The following ITGAM variants were observed in gnomAD, a reference collection of about 807,000 sequenced individuals.
ITGAM encodes the protein integrin alpha-M.
A neutral mutation model predicts 137.5 loss-of-function variants in ITGAM; 79 were observed. That is an observed-to-expected ratio of 0.57 (90% CI 0.48 to 0.69). The LOEUF is 0.69. ITGAM is among the 30% of genes least tolerant of loss of function. The probability of loss-of-function intolerance (pLI) is 0.00; values close to 1 mark genes in which losing one functional copy is unlikely to be tolerated. For missense variants in ITGAM, 1,343 were observed against 1,483.5 expected (o/e 0.91, Z 1.56); for synonymous variants, 583 against 592.3 (o/e 0.98, Z 0.23).
At chr16:31,326,504 C>T (rs989655465) in intron 21 of ITGAM, among the ~76,000 whole-genome samples, 1 of 152,126 alleles carries the variant, frequency 6.6e-6, no homozygotes, top group African/African-American at 2.4e-5. Flanking sequence ...GCAACCTCTG[C>T]CTCCCAGGTT....
Position 31,325,251 on chromosome 16 carries a change from T to C in ITGAM, c.2364-12T>C. Reference sequence around the variant, plus strand: ...GCGCCCCATCCCCCGGCCTGTCTTCTTCTTCCCACAGCCTGGACTGCCTCG... The same window carrying C: ...GCGCCCCATCCCCCGGCCTGTCTTCCTCTTCCCACAGCCTGGACTGCCTCG... On this transcript the variant is annotated splice_polypyrimidine_tract_variant and intron_variant, in intron 19 of 29. Transcript: ENST00000544665. 6.2e-7 allele frequency: 1 copy of C among 1,606,682 alleles called. No homozygotes were observed. Among genetic ancestry groups the C allele is most frequent in the Non-Finnish European group, 8.5e-7 (1 of 1,176,326 alleles).
rs370133643 is a variant in ITGAM, at chr16:31,266,044, C to A, written c.324C>A (p.Thr108=). ...CTGTCCCCTAGGCCTGTGGTCCCAC[C>A]GTGCACCAGACTTGCAGTGAGAACA... ...SPPQLLACGP[T]VHQTCSENTY... The change falls in exon 5 of 30, where the codon ACC becomes ACA. Residue 108 remains threonine, a synonymous_variant. Coordinates refer to ENST00000544665, the MANE Select transcript of ITGAM (RefSeq NM_000632.4). 1.9e-6 allele frequency: 3 copies of A among 1,613,714 alleles called. No homozygotes were observed. The highest frequency in any genetic ancestry group is 1.1e-5 in the South Asian group (1 of 91,078).
intron 21 of ITGAM, among the ~76,000 whole-genome samples, chr16:31,326,039 C>T (rs945074706): frequency 2.6e-5 from 4 of 152,022 alleles, no homozygotes; most frequent in African/African-American, 9.7e-5. Context: ...GCACTCTAGC[C>T]TAGGCGACAG....
chr16:31,269,176 G>A (rs748051688), intron 5 of ITGAM, among the ~76,000 whole-genome samples: 3 of 152,084 alleles, frequency 2.0e-5, no homozygotes, highest in Non-Finnish European at 2.9e-5. Context: ...TCCTGGGTGG[G>A]GGCAGCAAGA....
intron 1 of ITGAM, among the ~76,000 whole-genome samples, chr16:31,260,572 C>T (rs2079687709): frequency 6.6e-6 from 1 of 152,124 alleles, no homozygotes. Flanking sequence ...AAATTCTCCT[C>T]AAAAGGGAAG....
intron 3 of ITGAM, 81 bp from the exon 4 acceptor site, chr16:31,265,730 T>A: frequency 8.3e-7 from 1 of 1,207,318 alleles, no homozygotes; most frequent in South Asian, 1.3e-5. Context: ...GTCTCCCGCA[T>A]GGAGGTGACC....
At chr16:31,329,667 C>A in intron 24 of ITGAM, 131 bp from the exon 25 acceptor site, 1 of 699,184 alleles carries the variant, frequency 1.4e-6, no homozygotes, top group African/African-American at 1.8e-5. Flanking sequence ...ATTACATGTA[C>A]ACTCTACTCT....
chr16:31,318,131 T>C (rs1414989401), intron 14 of ITGAM, among the ~76,000 whole-genome samples: 1 of 152,198 alleles, frequency 6.6e-6, no homozygotes, highest in East Asian at 1.9e-4. Flanking sequence ...TATTGCCTTA[T>C]GATTCAGGCT....
rs1270667863 is a variant in ITGAM, at chr16:31,332,260, C to G, written c.*553C>G. On this transcript the variant is annotated 3_prime_UTR_variant, in exon 30 of 30. Transcript: ENST00000544665. The stretch of plus-strand genomic sequence containing the variant: ...AAGAAGTGGGACTTCCCGTCGCCTG[C>G]GAGCCTGCGGCCTGCTGGAGCCTGC... 1.3e-5 allele frequency: 2 copies of G among 152,470 alleles called. No individual in the cohort carries two copies. Among genetic ancestry groups the G allele is most frequent in the East Asian group, 1.9e-4 (1 of 5,196 alleles). 9.4% of individuals were successfully genotyped at this position (152,470 alleles called of 1,614,324 possible).
At chr16:31,329,580 G>A (rs1239067304) in intron 24 of ITGAM, among the ~76,000 whole-genome samples, 1 of 152,124 alleles carries the variant, frequency 6.6e-6, no homozygotes, top group African/African-American at 2.4e-5. Flanking sequence ...GAGGTTTACA[G>A]AACAAGCTCG....
At chr16:31,311,986 G>A (rs1390034018) in intron 14 of ITGAM, among the ~76,000 whole-genome samples, 2 of 151,824 alleles carry the variant, frequency 1.3e-5, no homozygotes, top group African/African-American at 2.4e-5. Context: ...TCCTTTGTAG[G>A]GACATGGATG....
intron 12 of ITGAM, among the ~76,000 whole-genome samples, chr16:31,293,982 T>A (rs1314232312): frequency 1.3e-5 from 2 of 152,146 alleles, no homozygotes; most frequent in Non-Finnish European, 2.9e-5. Flanking sequence ...CCTAGTTATT[T>A]TATTCTTTTT....
In ITGAM at chr16:31,305,160, A is replaced by G. The variant is rs149045780; in HGVS notation, c.1707+7206A>G. The stretch of plus-strand genomic sequence containing the variant: ...AGCAGTGTTTTGTAGTTTTCCTTGT[A>G]GGGAGCTTCACCTCCTTGGTTAACT... On this transcript the variant is annotated intron_variant, in intron 14 of 29. Transcript: ENST00000544665. 8.5e-3 allele frequency among the ~76,000 whole-genome samples: 1,289 copies of G among 152,228 alleles called. 11 individuals carry two copies. The highest frequency in any genetic ancestry group is 0.015 in the Non-Finnish European group (1,020 of 67,998).
chr16:31,271,472 C>A lies in ITGAM; in HGVS notation c.559-375C>A, dbSNP rs543434878. Among the ~76,000 whole-genome samples the A allele has an allele frequency of 2.6e-5, 4 of 152,238 alleles. No homozygotes were observed. In the East Asian group the frequency reaches 7.7e-4, roughly 29 times the overall value. Reference sequence around the variant, plus strand: ...GGTTCAAGCAATTCTCTTGCCTCAGCCTCCCGAGTAGCGGGGATTACAGGC... The same window carrying A: ...GGTTCAAGCAATTCTCTTGCCTCAGACTCCCGAGTAGCGGGGATTACAGGC... On this transcript the variant is annotated intron_variant, in intron 6 of 29. Coordinates refer to ENST00000544665, the MANE Select transcript of ITGAM (RefSeq NM_000632.4).
At chr16:31,289,274 T>C (rs2080061419) in intron 12 of ITGAM, among the ~76,000 whole-genome samples, 2 of 152,212 alleles carry the variant, frequency 1.3e-5, no homozygotes, top group Admixed American at 6.5e-5. Context: ...CAAATGACTA[T>C]AAATCATGCT....
chr16:31,275,453 T>C (rs2079896055), intron 8 of ITGAM, 96 bp from the exon 9 acceptor site: 8 of 1,307,334 alleles, frequency 6.1e-6, no homozygotes, highest in Non-Finnish European at 8.6e-6. Context: ...CCTCACTTGA[T>C]AAATAATGGT....
chr16:31,299,520 G>C (rs1302062357), intron 14 of ITGAM, among the ~76,000 whole-genome samples: 1 of 152,012 alleles, frequency 6.6e-6, no homozygotes, highest in Non-Finnish European at 1.5e-5. Context: ...TGTTGTCCAG[G>C]CTGGTCTTGA....
intron 5 of ITGAM, among the ~76,000 whole-genome samples, chr16:31,270,576 T>C (rs2079821931): frequency 6.6e-6 from 1 of 150,670 alleles, no homozygotes; most frequent in South Asian, 2.1e-4. Context: ...TGCAATGGCG[T>C]GATCATAGCT....
chr16:31,312,611 C>T (rs2080346319), intron 14 of ITGAM, among the ~76,000 whole-genome samples: 1 of 151,978 alleles, frequency 6.6e-6, no homozygotes, highest in Non-Finnish European at 1.5e-5. Flanking sequence ...ATTTCTTTTG[C>T]AGTGACAGGG....
Sources: allele counts gnomAD v4.1 joint callset (sites outside exome capture counted in the v4.1 genomes callset), GRCh38; gene constraint gnomAD v4.1.1; transcripts MANE v1.5; gene names NCBI Gene and HGNC (gene_info 2026-07-23, HGNC 2026-07-21).